GRM7: variants seen among roughly 807,000 people sequenced by gnomAD.
The protein encoded by GRM7 is glutamate metabotropic receptor 7.
A neutral mutation model predicts 84.5 loss-of-function variants in GRM7; 35 were observed. The observed-to-expected ratio is 0.41, with a 90% confidence interval of 0.32 to 0.55. GRM7 has a LOEUF of 0.55. GRM7 is among the 20% of genes least tolerant of loss of function. GRM7 has a pLI of 0.19. For missense variants in GRM7, 1,003 were observed against 1,194.6 expected (o/e 0.84, Z 2.36); for synonymous variants, 487 against 455.1 (o/e 1.07, Z -0.89).
chr3:7,305,964 A>G (rs1700180816), intron 3 of GRM7, among the ~76,000 whole-genome samples: 1 of 152,140 alleles, frequency 6.6e-6, no homozygotes, highest in South Asian at 2.1e-4. Flanking sequence ...CTGATTATGT[A>G]TATATAATAC....
intron 2 of GRM7, among the ~76,000 whole-genome samples, chr3:7,244,827 C>G (rs1269629474): frequency 6.6e-6 from 1 of 151,920 alleles, no homozygotes; most frequent in African/African-American, 2.4e-5. Flanking sequence ...AATGAAGGAA[C>G]AGTCTATAGA....
At chr3:7,192,069 A>G (rs1006333465) in intron 2 of GRM7, among the ~76,000 whole-genome samples, 3 of 152,048 alleles carry the variant, frequency 2.0e-5, no homozygotes, top group African/African-American at 7.2e-5. Context: ...GACTGGCTGA[A>G]GTTTAAGAAT....
intron 1 of GRM7, among the ~76,000 whole-genome samples, chr3:6,913,104 T>G (rs183901140): frequency 6.6e-6 from 1 of 152,306 alleles, no homozygotes; most frequent in Admixed American, 6.5e-5. Flanking sequence ...TCCTAATCAT[T>G]TGATACTCAA....
At chr3:7,267,867 T>G (rs1698703754) in intron 2 of GRM7, among the ~76,000 whole-genome samples, 3 of 152,220 alleles carry the variant, frequency 2.0e-5, no homozygotes, top group Non-Finnish European at 4.4e-5. Context: ...AAATCTAAGT[T>G]TCTAGTTTTA....
rs28489293 is a variant in GRM7, at chr3:7,467,737, T to C, written c.1515+6015T>C. 4.5e-3 allele frequency among the ~76,000 whole-genome samples: 688 copies of C among 152,278 alleles called. 3 individuals carry two copies. Among genetic ancestry groups the C allele is most frequent in the African/African-American group, 0.014 (578 of 41,568 alleles). Reference sequence around the variant, plus strand: ...TAATGCTCTCTGGATTGTTTAGTTATCAATAAATTAAGACAATTTATGTAA... The same window carrying C: ...TAATGCTCTCTGGATTGTTTAGTTACCAATAAATTAAGACAATTTATGTAA... On this transcript the variant is annotated intron_variant, in intron 7 of 9. Coordinates refer to ENST00000357716, the MANE Select transcript of GRM7 (RefSeq NM_000844.4).
intron 8 of GRM7, among the ~76,000 whole-genome samples, chr3:7,606,257 C>CTT (rs146626058): frequency 7.3e-5 from 11 of 151,422 alleles, no homozygotes; most frequent in Non-Finnish European, 1.0e-4. Flanking sequence ...TCTAGCTCCT[C>CTT]TTTTTTTTTA....
At chr3:7,244,176 T>A (rs1697667969) in intron 2 of GRM7, among the ~76,000 whole-genome samples, 1 of 152,140 alleles carries the variant, frequency 6.6e-6, no homozygotes, top group Non-Finnish European at 1.5e-5. Context: ...TACAGTAACT[T>A]TTTTATTTTA....
intron 1 of GRM7, among the ~76,000 whole-genome samples, chr3:7,085,489 T>C (rs1698423731): frequency 6.6e-6 from 1 of 152,162 alleles, no homozygotes; most frequent in South Asian, 2.1e-4. Context: ...GTTGTATAGC[T>C]CTGTCTTGAA....
At chr3:7,220,605 G>A (rs1575047829) in intron 2 of GRM7, among the ~76,000 whole-genome samples, 1 of 151,760 alleles carries the variant, frequency 6.6e-6, no homozygotes, top group East Asian at 1.9e-4. Context: ...AAGGGCATTA[G>A]GTAAAAAAAA....
At chr3:7,543,121 C>G (rs1032708659) in intron 7 of GRM7, among the ~76,000 whole-genome samples, 1 of 152,340 alleles carries the variant, frequency 6.6e-6, no homozygotes, top group Admixed American at 6.5e-5. Flanking sequence ...TGTGTCCTAT[C>G]TGAAACATAC....
chr3:7,455,701 C>T (rs1697980277), intron 6 of GRM7, among the ~76,000 whole-genome samples: 2 of 151,974 alleles, frequency 1.3e-5, no homozygotes, highest in Admixed American at 6.6e-5. Context: ...TCAAAGAGAC[C>T]AAGGAAGTAC....
At chr3:7,325,626 G>A (rs964152166) in intron 4 of GRM7, among the ~76,000 whole-genome samples, 5 of 152,154 alleles carry the variant, frequency 3.3e-5, no homozygotes, top group Non-Finnish European at 5.9e-5. Context: ...GAGACCAGCG[G>A]AGTACCAAAC....
At chr3:7,648,835 C>A (rs374977849) in intron 8 of GRM7, among the ~76,000 whole-genome samples, 1 of 152,044 alleles carries the variant, frequency 6.6e-6, no homozygotes, top group Non-Finnish European at 1.5e-5. Context: ...TAGGACTTGG[C>A]GAAAGTCAGA....
At chr3:7,144,302 A>G (rs146655256) in intron 1 of GRM7, among the ~76,000 whole-genome samples, 66 of 152,312 alleles carry the variant, frequency 4.3e-4, no homozygotes, top group Admixed American at 2.7e-3. Flanking sequence ...TAATACTATA[A>G]TATAGTCTAA....
chr3:7,525,761 T>C (rs1700780604), intron 7 of GRM7, among the ~76,000 whole-genome samples: 1 of 152,082 alleles, frequency 6.6e-6, no homozygotes, highest in African/African-American at 2.4e-5. Context: ...TTTATGTCCA[T>C]GTGTATCCAA....
In GRM7 at chr3:7,657,396, C is replaced by T. The variant is rs189362158; in HGVS notation, c.2452-22653C>T. On this transcript the variant is annotated intron_variant, in intron 8 of 9. Transcript: ENST00000357716. Reference sequence around the variant, plus strand: ...GATATGAACATCTGGACAGGGTTCACGTGTGATGTGCATGTGTTACTATTT... The same window carrying T: ...GATATGAACATCTGGACAGGGTTCATGTGTGATGTGCATGTGTTACTATTT... Among the ~76,000 whole-genome samples the T allele has an allele frequency of 2.9e-3, 438 of 152,290 alleles. 7 individuals are homozygous for T. Among genetic ancestry groups the T allele is most frequent in the Middle Eastern group, 0.017 (5 of 294 alleles).
At chr3:7,215,725 T>G (rs1575042082) in intron 2 of GRM7, among the ~76,000 whole-genome samples, 2 of 152,154 alleles carry the variant, frequency 1.3e-5, no homozygotes, top group South Asian at 4.2e-4. Context: ...AGTTGTAATA[T>G]GTATATAAAA....
intron 1 of GRM7, among the ~76,000 whole-genome samples, chr3:7,098,230 A>G (rs1375715883): frequency 1.3e-5 from 2 of 152,072 alleles, no homozygotes; most frequent in Non-Finnish European, 2.9e-5. Flanking sequence ...CATTTTGAAT[A>G]ACTTGATAAA....
At chr3:7,686,295 T>A in intron 9 of GRM7, 1 of 732,226 alleles carries the variant, frequency 1.4e-6, no homozygotes, top group Non-Finnish European at 2.4e-6. Flanking sequence ...ATAATAATAA[T>A]AAAAAGTAAT....
Sources: allele counts gnomAD v4.1 joint callset (sites outside exome capture counted in the v4.1 genomes callset), GRCh38; gene constraint gnomAD v4.1.1; transcripts MANE v1.5; gene names NCBI Gene and HGNC (gene_info 2026-07-23, HGNC 2026-07-21).